Variants in TAF11L14 observed in about 807,000 individuals in gnomAD.
TAF11L14 encodes the protein TATA-box-binding protein-associated factor 11-like protein 14.
chr5:17,634,492 TGAG>T, exon 1 of TAF11L14: 1 of 398,288 alleles, frequency 2.5e-6, no homozygotes, highest in Non-Finnish European at 4.4e-6. Flanking sequence ...GTGTGTCTGC[TGAG>T]ATGTTCGCCA....
At chr5:17,634,928 G>T in exon 1 of TAF11L14, 1 of 398,616 alleles carries the variant, frequency 2.5e-6, no homozygotes, top group Non-Finnish European at 4.4e-6. Context: ...GGTGGAAGAG[G>T]CCCTGGACAT....
exon 1 of TAF11L14, chr5:17,634,782 G>A (rs1224612943): frequency 1.0e-5 from 4 of 398,614 alleles, no homozygotes; most frequent in East Asian, 3.6e-5. Context: ...CAGCTGTCCC[G>A]CTATGAAGTG....
chr5:17,634,743 C>A (rs1424930762), exon 1 of TAF11L14: 2 of 398,658 alleles, frequency 5.0e-6, no homozygotes, highest in Non-Finnish European at 8.8e-6. Flanking sequence ...CAGAGGATGA[C>A]AACCCTGCTG....
exon 1 of TAF11L14, chr5:17,634,553 C>G: frequency 2.5e-6 from 1 of 398,294 alleles, no homozygotes; most frequent in East Asian, 3.6e-5. Context: ...CCCTGAGGCC[C>G]TAGATGGGAA....
rs747970607 is a variant in TAF11L14, at chr5:17,634,745, A to T, written c.286A>T (p.Thr96Ser). 27 of 398,588 alleles carry T rather than the reference A, an allele frequency of 6.8e-5. 1 individual carries two copies. Among genetic ancestry groups the T allele is most frequent in the African/African-American group, 5.2e-4 (25 of 48,502 alleles). The allele number at this position is 398,588 out of a possible 1,614,324, so 24.7% of individuals were successfully genotyped here. ...TGCAGAGGAGGCTCAGAGGATGACA[A>T]CCCTGCTGTCTGCCATGTCTGAGGA... The change falls in exon 1 of 1, where the codon ACC (threonine) becomes TCC (serine). Residue 96 changes from threonine (T) to serine (S), a missense_variant. Coordinates refer to ENST00000512227, the Ensembl canonical transcript of TAF11L14.
exon 1 of TAF11L14, chr5:17,634,754 T>C (rs1739779473): frequency 2.5e-6 from 1 of 398,642 alleles, no homozygotes; most frequent in African/African-American, 2.1e-5. Context: ...AACCCTGCTG[T>C]CTGCCATGTC....
chr5:17,634,756 T>C (rs1489687191), exon 1 of TAF11L14: 2 of 398,780 alleles, frequency 5.0e-6, no homozygotes, highest in Non-Finnish European at 8.8e-6. Flanking sequence ...CCCTGCTGTC[T>C]GCCATGTCTG....
At chr5:17,634,874 G>T in exon 1 of TAF11L14, 1 of 398,568 alleles carries the variant, frequency 2.5e-6, no homozygotes, top group South Asian at 1.3e-4. Flanking sequence ...TGAGAACATG[G>T]CCATTGCCAT....
rs976027337 is a variant in TAF11L14, at chr5:17,634,635, A to G, written c.176A>G (p.Asn59Ser). 7.3e-5 allele frequency: 29 copies of G among 398,476 alleles called. No individual in the cohort carries two copies. In the Admixed American group the frequency reaches 7.5e-4, roughly 10 times the overall value. 24.7% of individuals were successfully genotyped at this position (398,476 alleles called of 1,614,324 possible). Residue 59 changes from asparagine to serine, a missense_variant, in exon 1 of 1, where the codon AAT (asparagine) becomes AGT (serine). By Grantham distance (46) the Asn-to-Ser change is conservative. Coordinates refer to ENST00000512227, the Ensembl canonical transcript of TAF11L14. Reference sequence around the variant, plus strand: ...GTCATGGACCTCACAGTAGTTGACAATGAGGCCTCAGCCTCAGCTCCTCCT... The same window carrying G: ...GTCATGGACCTCACAGTAGTTGACAGTGAGGCCTCAGCCTCAGCTCCTCCT...
chr5:17,634,883 A>G (rs1247803803), exon 1 of TAF11L14: 1 of 398,428 alleles, frequency 2.5e-6, no homozygotes, highest in African/African-American at 2.1e-5. Flanking sequence ...GGCCATTGCC[A>G]TGGCTGGAAT....
rs1739774817 is a variant in TAF11L14, at chr5:17,634,640, G to A, written c.181G>A (p.Ala61Thr). ...GGACCTCACAGTAGTTGACAATGAG[G>A]CCTCAGCCTCAGCTCCTCCTGCAGC... The change falls in exon 1 of 1, where the codon GCC becomes ACC. Residue 61 changes from alanine to threonine, a missense_variant. Physicochemically the swap from Ala to Thr is moderately conservative, Grantham distance 58. Transcript: ENST00000512227. 6 of 398,518 alleles carry A rather than the reference G, an allele frequency of 1.5e-5. No individual in the cohort carries two copies. The East Asian group carries it at 1.8e-4, about 12-fold the overall frequency. 24.7% of individuals were successfully genotyped at this position (398,518 alleles called of 1,614,324 possible).
At chr5:17,634,910 G>A (rs569423445) in exon 1 of TAF11L14, 4 of 398,624 alleles carry the variant, frequency 1.0e-5, no homozygotes, top group African/African-American at 8.2e-5. Context: ...GGTCTTTGTT[G>A]GAGAGGTGGT....
At chr5:17,634,844 A>G in exon 1 of TAF11L14, 1 of 398,516 alleles carries the variant, frequency 2.5e-6, no homozygotes, top group Non-Finnish European at 4.4e-6. Flanking sequence ...GATGTGGTCT[A>G]TCACTGGGAG....
exon 1 of TAF11L14, chr5:17,634,473 G>A (rs940511469): frequency 2.5e-6 from 1 of 398,230 alleles, no homozygotes; most frequent in African/African-American, 2.1e-5. Flanking sequence ...GAGACCGGCA[G>A]GCAAACAGGT....
rs536256181 is a variant in TAF11L14, at chr5:17,635,010, C to G, written c.551C>G (p.Pro184Arg). The change falls in exon 1 of 1, where the codon CCC becomes CGC. Residue 184 changes from proline (P) to arginine (R), a missense_variant. Pro to Arg is a moderately radical substitution (Grantham distance 103). Transcript: ENST00000512227. ...AGGGAGGCTGTTTGCAGGTTAAAGC[C>G]CAAGGGCCTCTTCCCCAACAACTAT... The G allele has an allele frequency of 7.3e-5, 29 of 398,362 alleles. 2 individuals are homozygous for G. Among genetic ancestry groups the G allele is most frequent in the African/African-American group, 5.8e-4 (28 of 48,562 alleles). The allele number at this position is 398,362 out of a possible 1,614,324, so 24.7% of individuals were successfully genotyped here.
chr5:17,634,828 A>C (rs1282429286), exon 1 of TAF11L14: 3 of 398,482 alleles, frequency 7.5e-6, no homozygotes, highest in Non-Finnish European at 1.3e-5. Flanking sequence ...CACTTGTTGC[A>C]CGTCTGATGT....
chr5:17,634,899 A>G, exon 1 of TAF11L14: 1 of 398,566 alleles, frequency 2.5e-6, no homozygotes, highest in Non-Finnish European at 4.4e-6. Flanking sequence ...GGAATAGCCA[A>G]GGTCTTTGTT....
chr5:17,634,778 T>G (rs1282552470), exon 1 of TAF11L14: 1 of 398,652 alleles, frequency 2.5e-6, no homozygotes, highest in Non-Finnish European at 4.4e-6. Flanking sequence ...GGAGCAGCTG[T>G]CCCGCTATGA....
chr5:17,634,686 C>G, exon 1 of TAF11L14: 1 of 398,896 alleles, frequency 2.5e-6, no homozygotes, highest in Non-Finnish European at 4.4e-6. Flanking sequence ...AAAACAGATA[C>G]CAAAGGCCAG....
Sources: allele counts gnomAD v4.1 joint callset, GRCh38; gene constraint gnomAD v4.1.1; transcripts MANE v1.5; gene names NCBI Gene and HGNC (gene_info 2026-07-23, HGNC 2026-07-21).